The following TENM3 variants were observed in gnomAD, a reference collection of about 807,000 sequenced individuals.
The protein encoded by TENM3 is teneurin transmembrane protein 3.
In TENM3, 63 loss-of-function variants were observed where a neutral mutation model predicts 255.1. The observed-to-expected ratio is 0.25, with a 90% CI of 0.20 to 0.30. The LOEUF is 0.30. TENM3 is among the 10% of genes least tolerant of loss of function. The pLI is 1.00. For synonymous variants in TENM3, 1,306 were observed against 1,322.3 expected (o/e 0.99, Z 0.27); for missense variants, 2,929 against 3,461.1 (o/e 0.85, Z 3.86).
intron 3 of TENM3, among the ~76,000 whole-genome samples, chr4:182,461,303 A>G (rs1249927272): frequency 1.3e-5 from 2 of 152,174 alleles, no homozygotes; most frequent in African/African-American, 4.8e-5. Context: ...TGGACAAGTG[A>G]CAGGAGAAGG....
At chr4:182,164,863 C>T (rs1003646237) in intron 1 of TENM3, among the ~76,000 whole-genome samples, 4 of 152,166 alleles carry the variant, frequency 2.6e-5, no homozygotes, top group Non-Finnish European at 5.9e-5. Context: ...AGGATTTTAA[C>T]CTCCTTGAAG....
At chr4:182,719,043 C>T (rs1759435353) in intron 13 of TENM3, among the ~76,000 whole-genome samples, 1 of 152,228 alleles carries the variant, frequency 6.6e-6, no homozygotes, top group South Asian at 2.1e-4. Flanking sequence ...TGACACCTTG[C>T]GTCCCTGTCT....
chr4:182,483,721 C>CTTT lies in TENM3; in HGVS notation c.512-117203_512-117202insTTT, dbSNP rs1204491635. ...TTTTCTTTATAAAGAAAAGGGGTTT[C>CTTT]ATTGGCTCACAGTTCCACAGGCTGT... On this transcript the variant is annotated intron_variant, in intron 3 of 27. Transcript: ENST00000511685. Among the ~76,000 whole-genome samples the CTTT allele has an allele frequency of 2.0e-5, 3 of 152,042 alleles. No individual in the cohort carries two copies. In the East Asian group the frequency reaches 5.8e-4, roughly 29 times the overall value.
chr4:182,219,025 C>T (rs1222908589), intron 1 of TENM3, among the ~76,000 whole-genome samples: 2 of 152,220 alleles, frequency 1.3e-5, no homozygotes, highest in Non-Finnish European at 2.9e-5. Context: ...GAGCTGGAGA[C>T]CAGCCTGGCC....
the TENM3 span, among the ~76,000 whole-genome samples, chr4:181,751,474 T>G: frequency 6.6e-6 from 1 of 151,562 alleles, no homozygotes; most frequent in Admixed American, 6.6e-5. Context: ...CCAAGACTAT[T>G]ACACTTCTTC....
intron 22 of TENM3, among the ~76,000 whole-genome samples, chr4:182,769,793 A>G (rs1352455174): frequency 7.1e-6 from 1 of 141,000 alleles, no homozygotes; most frequent in African/African-American, 2.7e-5. Context: ...CAAAAAATAA[A>G]TAAATACATA....
At chr4:181,741,469 A>C in the TENM3 span, among the ~76,000 whole-genome samples, 1 of 151,716 alleles carries the variant, frequency 6.6e-6, no homozygotes, top group Non-Finnish European at 1.5e-5. Context: ...AATATTTATT[A>C]GTTAAAAAAA....
chr4:181,915,005 C>T, the TENM3 span, among the ~76,000 whole-genome samples: 10 of 152,116 alleles, frequency 6.6e-5, no homozygotes, highest in Non-Finnish European at 1.3e-4. Flanking sequence ...GTTTTAGTCA[C>T]GGAAGTCAAG....
At chr4:181,546,571 G>A in the TENM3 span, among the ~76,000 whole-genome samples, 28,007 of 123,068 alleles carry the variant, frequency 0.23, 4,276 homozygotes, top group Middle Eastern at 0.37. Context: ...AAAATTAGCC[G>A]GGCGTGGTGG....
the TENM3 span, among the ~76,000 whole-genome samples, chr4:181,495,336 TC>T: frequency 6.6e-6 from 1 of 152,112 alleles, no homozygotes; most frequent in Non-Finnish European, 1.5e-5. Flanking sequence ...CCTACAACGT[TC>T]TGGAGGGTTT....
chr4:181,563,312 C>T, the TENM3 span, among the ~76,000 whole-genome samples: 2 of 152,164 alleles, frequency 1.3e-5, no homozygotes, highest in Admixed American at 6.5e-5. Context: ...TCACTCTGAT[C>T]TCTGGCTTCA....
intron 1 of TENM3, among the ~76,000 whole-genome samples, chr4:182,229,817 T>G (rs969521494): frequency 6.6e-6 from 1 of 152,174 alleles, no homozygotes; most frequent in East Asian, 1.9e-4. Flanking sequence ...AAGAATTTCC[T>G]TAATGAATTG....
At chr4:182,205,659 C>T (rs1056994887) in intron 1 of TENM3, among the ~76,000 whole-genome samples, 10 of 152,274 alleles carry the variant, frequency 6.6e-5, no homozygotes, top group African/African-American at 2.4e-4. Flanking sequence ...GTGCCCTTGG[C>T]ACATCGTTTT....
At chr4:182,616,189 C>A (rs989570517) in intron 4 of TENM3, among the ~76,000 whole-genome samples, 1 of 152,182 alleles carries the variant, frequency 6.6e-6, no homozygotes, top group African/African-American at 2.4e-5. Context: ...CCAAAACCGG[C>A]GCTTCCTTAT....
intron 13 of TENM3, among the ~76,000 whole-genome samples, chr4:182,725,636 C>CTTTTTTTTTTTTTTTTTTT (rs5864795): frequency 7.5e-6 from 1 of 133,672 alleles, no homozygotes; most frequent in Admixed American, 8.1e-5. Context: ...TCTTTTTTTT[C>CTTTTTTTTTTTTTTTTTTT]TTTTTTTTTT....
At chr4:182,088,369 C>T in the TENM3 span, among the ~76,000 whole-genome samples, 355 of 152,160 alleles carry the variant, frequency 2.3e-3, 9 homozygotes, top group South Asian at 0.062. Context: ...CCAGAGGTTC[C>T]TTCAAGTACT....
the TENM3 span, among the ~76,000 whole-genome samples, chr4:181,901,956 T>C: frequency 5.3e-5 from 8 of 152,152 alleles, no homozygotes; most frequent in African/African-American, 1.7e-4. Context: ...TTTTCACTCA[T>C]GTGACTTAGA....
At chr4:181,497,865 TC>T in the TENM3 span, among the ~76,000 whole-genome samples, 1 of 152,182 alleles carries the variant, frequency 6.6e-6, no homozygotes, top group Non-Finnish European at 1.5e-5. Flanking sequence ...TGGTAGGTAT[TC>T]CACTAAAAAG....
At chr4:182,727,020 A>C (rs879495962) in intron 13 of TENM3, among the ~76,000 whole-genome samples, 1 of 152,240 alleles carries the variant, frequency 6.6e-6, no homozygotes, top group Non-Finnish European at 1.5e-5. Context: ...GCTTGCCATC[A>C]CAGTGGTCAG....
Sources: allele counts gnomAD v4.1 joint callset (sites outside exome capture counted in the v4.1 genomes callset), GRCh38; gene constraint gnomAD v4.1.1; transcripts MANE v1.5; gene names NCBI Gene and HGNC (gene_info 2026-07-23, HGNC 2026-07-21).